The following DSG4 variants were observed in gnomAD, a reference collection of about 807,000 sequenced individuals.
The protein encoded by DSG4 is desmoglein 4, also known as desmoglein-4.
Under a neutral mutation model 93.1 loss-of-function variants are expected in DSG4, and 87 were observed. The ratio of observed to expected loss-of-function variants is 0.93; its 90% CI spans 0.79 to 1.12. The LOEUF is 1.12. Among genes scored for constraint, DSG4 ranks in the 50% most tolerant of loss-of-function variants. The probability of loss-of-function intolerance (pLI) is 0.00; values close to 1 mark genes in which losing one functional copy is unlikely to be tolerated. For synonymous variants in DSG4, 432 were observed against 452.9 expected (o/e 0.95, Z 0.59); for missense variants, 1,373 against 1,285.7 (o/e 1.07, Z -1.04).
intron 1 of DSG4, among the ~76,000 whole-genome samples, chr18:31,383,444 C>T (rs546328058): frequency 1.3e-5 from 2 of 152,150 alleles, no homozygotes; most frequent in East Asian, 1.9e-4. Context: ...ATACATATTC[C>T]TTTAAAACTC....
At chr18:31,399,117 A>G (rs965492712) in intron 8 of DSG4, among the ~76,000 whole-genome samples, 155 bp from the exon 9 acceptor site, 1 of 152,198 alleles carries the variant, frequency 6.6e-6, no homozygotes, top group Non-Finnish European at 1.5e-5. Context: ...TAAGATACCT[A>G]ATGCAGTAAT....
intron 1 of DSG4, among the ~76,000 whole-genome samples, chr18:31,382,707 G>A (rs1263389166): frequency 6.6e-6 from 1 of 152,080 alleles, no homozygotes; most frequent in East Asian, 1.9e-4. Context: ...GGATTTGGAG[G>A]GTTTGGCTTC....
chr18:31,403,799 A>T (rs541608953), intron 11 of DSG4, among the ~76,000 whole-genome samples, 165 bp downstream of exon 11: 3 of 152,354 alleles, frequency 2.0e-5, no homozygotes, highest in Non-Finnish European at 4.4e-5. Context: ...AGGATATTTG[A>T]TAAAATTTTG....
In DSG4 at chr18:31,413,787, ATTCT is replaced by A; in HGVS notation, c.*197_*200del. ...GGCACTTTAGATAAGCCTTTTTAAA[ATTCT>A]TTCTGATTTTAAATAATGCGTCAAA... On this transcript the variant is annotated 3_prime_UTR_variant, in exon 16 of 16. Transcript: ENST00000308128. 1 of 698,278 alleles carries A rather than the reference ATTCT, an allele frequency of 1.4e-6. No homozygotes were observed. Among genetic ancestry groups the A allele is most frequent in the African/African-American group, 1.8e-5 (1 of 55,644 alleles). 43.3% of individuals were successfully genotyped at this position (698,278 alleles called of 1,614,324 possible).
rs768923193 is a variant in DSG4, at chr18:31,391,058, T to C, written c.685-20T>C. The C allele has an allele frequency of 1.2e-6, 2 of 1,613,378 alleles. No homozygotes were observed. Among genetic ancestry groups the C allele is most frequent in the East Asian group, 4.5e-5 (2 of 44,852 alleles). On this transcript the variant is annotated intron_variant, in intron 6 of 15. Transcript: ENST00000308128. ...TCAAGACAAAACCTAAGTCTTACGT[T>C]CTTTTTCATCTTGATTAAGCAACAC... is the stretch of plus-strand genomic sequence containing the variant.
chr18:31,386,456 A>G (rs2072188520), intron 2 of DSG4, among the ~76,000 whole-genome samples: 1 of 152,186 alleles, frequency 6.6e-6, no homozygotes, highest in Non-Finnish European at 1.5e-5. Flanking sequence ...AGCTAATTAA[A>G]TTTGTTTCAC....
At chr18:31,395,150 AT>A (rs1432770771) in intron 8 of DSG4, among the ~76,000 whole-genome samples, 1 of 152,184 alleles carries the variant, frequency 6.6e-6, no homozygotes, top group East Asian at 1.9e-4. Context: ...TGATTGCATC[AT>A]TCGTAACTTC....
At position 31,411,375 on chromosome 18, in the gene DSG4, C is replaced by G; in HGVS notation, c.2282C>G (p.Ser761Cys). ...GASGAARKRSSTMGTLRDYAD... is the reference protein window; with the variant it reads ...GASGAARKRSCTMGTLRDYAD... ...TCAGGGGCCGCAAGGAAGAGGAGCT[C>G]TACCATGGGAACCCTGCGGGACTAC... The change falls in exon 15 of 16, where the codon TCT becomes TGT. Residue 761 changes from serine to cysteine, a missense_variant. By Grantham distance (112) the Ser-to-Cys change is moderately radical. Transcript: ENST00000308128. The G allele has an allele frequency of 6.2e-7, 1 of 1,614,134 alleles. No homozygotes were observed. The highest frequency in any genetic ancestry group is 8.5e-7 in the Non-Finnish European group (1 of 1,180,024).
intron 7 of DSG4, 52 bp from the exon 8 acceptor site, chr18:31,392,103 C>G (rs1256466875): frequency 6.4e-7 from 1 of 1,553,634 alleles, no homozygotes; most frequent in Non-Finnish European, 8.9e-7. Context: ...GTTTTAAGTA[C>G]GTTTCTTCTT....
At chr18:31,382,081 G>A (rs568998308) in intron 1 of DSG4, among the ~76,000 whole-genome samples, 11 of 152,156 alleles carry the variant, frequency 7.2e-5, no homozygotes, top group African/African-American at 1.2e-4. Flanking sequence ...ACAGGGAACC[G>A]TCATCAACCA....
chr18:31,389,138 A>G, intron 5 of DSG4, 120 bp downstream of exon 5: 1 of 1,084,880 alleles, frequency 9.2e-7, no homozygotes, highest in East Asian at 2.4e-5. Context: ...TGTATTTTGA[A>G]TAAACCCCAC....
chr18:31,401,019 T>C lies in DSG4; in HGVS notation c.1416T>C (p.Asp472=), dbSNP rs1298880465. ...ACACAGCAGAGATCCTGGCTATAGA[T>C]GGTAAGAAAATTTATTTTCAGTATT... ...GIYTAEILAI[D]DGSGKTATGT... is the part of the protein sequence containing the mutation. The change falls in exon 10 of 16, where the codon GAT becomes GAC. Residue 472 remains aspartate (D), a splice_region_variant and synonymous_variant. Transcript: ENST00000308128. The C allele has an allele frequency of 3.1e-6, 5 of 1,593,240 alleles. No individual in the cohort carries two copies. The South Asian group carries it at 3.5e-5, about 11-fold the overall frequency.
chr18:31,400,139 A>G (rs113871540), intron 9 of DSG4, among the ~76,000 whole-genome samples: 5 of 152,308 alleles, frequency 3.3e-5, no homozygotes, highest in African/African-American at 1.2e-4. Flanking sequence ...AGTGAAGTAC[A>G]CAGATCTTCT....
At position 31,411,544 on chromosome 18, in the gene DSG4, C is replaced by T. The variant is rs915879374; in HGVS notation, c.2355+96C>T. The T allele has an allele frequency of 7.3e-6, 10 of 1,375,350 alleles. No individual in the cohort carries two copies. The East Asian group carries it at 2.4e-4, about 33-fold the overall frequency. 85.2% of individuals were successfully genotyped at this position (1,375,350 alleles called of 1,614,324 possible). On this transcript the variant is annotated intron_variant, in intron 15 of 15. Transcript: ENST00000308128. ...GGTAGTAGGCCTCTTCGGAAATATG[C>T]TGTTATTCTCAACCCTATCCCAAAC...
Position 31,414,037 on chromosome 18 carries a change from A to G in DSG4, c.*442A>G, listed in dbSNP as rs1223756068. 6.2e-6 allele frequency: 1 copy of G among 161,604 alleles called. No homozygotes were observed. The highest frequency in any genetic ancestry group is 1.4e-5 in the Non-Finnish European group (1 of 73,400). The allele number at this position is 161,604 out of a possible 1,614,324, so 10.0% of individuals were successfully genotyped here. On this transcript the variant is annotated 3_prime_UTR_variant, in exon 16 of 16. Transcript: ENST00000308128. ...ATTTTTAATTGAAAAGTTGAATGAA[A>G]TGTACATTCTGAAAGGAAATTGAAA... is the stretch of plus-strand genomic sequence containing the variant.
intron 8 of DSG4, among the ~76,000 whole-genome samples, chr18:31,392,683 A>T (rs1339607155): frequency 6.6e-6 from 1 of 152,198 alleles, no homozygotes; most frequent in Non-Finnish European, 1.5e-5. Flanking sequence ...TTGCCAAGGG[A>T]GTGGAATATG....
intron 14 of DSG4, 141 bp downstream of exon 14, chr18:31,409,949 T>G (rs2072468032): frequency 1.1e-6 from 1 of 938,282 alleles, no homozygotes; most frequent in Admixed American, 2.4e-5. Context: ...GTGACCTGTT[T>G]GAAGTAGCCA....
At chr18:31,408,248 G>A (rs2072449108) in intron 12 of DSG4, among the ~76,000 whole-genome samples, 1 of 152,192 alleles carries the variant, frequency 6.6e-6, no homozygotes, top group African/African-American at 2.4e-5. Flanking sequence ...TACAGTAATT[G>A]TATTGGGTAT....
In DSG4 at chr18:31,414,328, G is replaced by A. The variant is rs1383166073; in HGVS notation, c.*733G>A. ...TCCTAAAGTAGAAAGAGTTATTGGG[G>A]AAATATTAGAGTTTTCCCCACTTAC... On this transcript the variant is annotated 3_prime_UTR_variant, in exon 16 of 16. Transcript: ENST00000308128. 1 of 152,014 alleles carries A rather than the reference G, an allele frequency of 6.6e-6. No individual in the cohort carries two copies. The highest frequency in any genetic ancestry group is 1.5e-5 in the Non-Finnish European group (1 of 67,994). The allele number at this position is 152,014 out of a possible 1,614,324, so 9.4% of individuals were successfully genotyped here. A position where few individuals can be genotyped will look rare whatever the true frequency, so the allele number is the denominator to read the frequency against.
Sources: allele counts gnomAD v4.1 joint callset (sites outside exome capture counted in the v4.1 genomes callset), GRCh38; gene constraint gnomAD v4.1.1; transcripts MANE v1.5; gene names NCBI Gene and HGNC (gene_info 2026-07-23, HGNC 2026-07-21).